Variants in TMEM132B observed in about 807,000 individuals in gnomAD.
TMEM132B encodes transmembrane protein 132B.
In TMEM132B, 18 loss-of-function variants were observed where a neutral mutation model predicts 90.8. That is an observed-to-expected ratio of 0.20 (90% confidence interval 0.14 to 0.29). The LOEUF is 0.29. Among genes scored for constraint, TMEM132B ranks in the 10% least tolerant of loss-of-function variants. The probability of loss-of-function intolerance (pLI) is 1.00; values close to 1 mark genes in which losing one functional copy is unlikely to be tolerated. For synonymous variants in TMEM132B, 504 were observed against 523.3 expected, an observed-to-expected ratio of 0.96 and a Z score of 0.50; for missense variants, 1,096 against 1,326.8, an observed-to-expected ratio of 0.83 and a Z score of 2.70.
intron 2 of TMEM132B, among the ~76,000 whole-genome samples, chr12:125,370,391 C>T (rs1476466853): frequency 1.3e-5 from 2 of 152,334 alleles, no homozygotes; most frequent in East Asian, 3.9e-4. Flanking sequence ...AGCAAAACAT[C>T]ACGTGCATCC....
At chr12:125,567,605 A>T (rs1342285657) in intron 4 of TMEM132B, among the ~76,000 whole-genome samples, 1 of 152,120 alleles carries the variant, frequency 6.6e-6, no homozygotes, top group African/African-American at 2.4e-5. Flanking sequence ...TTCATATTTA[A>T]ATAAAGTTAT....
rs146311837 is a variant in TMEM132B at position 125,415,758 on chromosome 12, G to A, written c.1106+81G>A. On this transcript the variant is annotated intron_variant, in intron 3 of 8. Transcript: ENST00000682704. This position sits in a 1 kb window ranked among gnomAD's most constrained non-coding sequence, Gnocchi z 5.3. ...CAGAGCTGATAGCAAAATAATGTGC[G>A]TGTGGATAAAGCGATGCCTCTGCGT... 6.9e-4 allele frequency: 1,069 copies of A among 1,540,904 alleles called. 9 individuals carry two copies. In the African/African-American group the frequency reaches 0.012, roughly 17 times the overall value.
chr12:125,396,046 A>G (rs745848715), intron 2 of TMEM132B, among the ~76,000 whole-genome samples: 42 of 152,206 alleles, frequency 2.8e-4, no homozygotes, highest in Non-Finnish European at 3.8e-4. Flanking sequence ...GGAGGACACA[A>G]TGCTTTGATT....
At chr12:125,450,717 A>G (rs1881125727) in intron 3 of TMEM132B, among the ~76,000 whole-genome samples, 1 of 152,220 alleles carries the variant, frequency 6.6e-6, no homozygotes, top group Admixed American at 6.5e-5. Context: ...ATGTCTCCTA[A>G]CAGATCGCTT....
At chr12:125,481,007 A>C (rs1328561451) in intron 3 of TMEM132B, among the ~76,000 whole-genome samples, 1 of 152,182 alleles carries the variant, frequency 6.6e-6, no homozygotes, top group Non-Finnish European at 1.5e-5. Flanking sequence ...AAAGACAAAA[A>C]CCACATGATT....
chr12:125,503,862 A>G (rs973377123), intron 3 of TMEM132B, among the ~76,000 whole-genome samples: 1 of 152,232 alleles, frequency 6.6e-6, no homozygotes, highest in Non-Finnish European at 1.5e-5. Flanking sequence ...GTTCTGTGTA[A>G]AGAATTTCAG....
At chr12:125,453,737 C>T (rs1881217026) in intron 3 of TMEM132B, among the ~76,000 whole-genome samples, 1 of 152,190 alleles carries the variant, frequency 6.6e-6, no homozygotes, top group African/African-American at 2.4e-5. Flanking sequence ...AGTGCATTTT[C>T]TATTCCTATT....
chr12:125,277,082 G>C lies in TMEM132B; in HGVS notation c.68-72370G>C, dbSNP rs1047457756. Among the ~76,000 whole-genome samples, 1 of 152,198 alleles carries C rather than the reference G, an allele frequency of 6.6e-6. No individual in the cohort carries two copies. Among genetic ancestry groups the C allele is most frequent in the Admixed American group, 6.5e-5 (1 of 15,282 alleles). ...GTCCAAGTCCTAACCACTAATACTT[G>C]TGAACATGACCTAGTTGGGAAAGAG... On this transcript the variant is annotated intron_variant, in intron 1 of 8. Transcript: ENST00000682704. This position sits in a 1 kb window ranked among gnomAD's most constrained non-coding sequence, Gnocchi z 4.3.
chr12:125,528,950 C>G (rs1302557625), intron 4 of TMEM132B, among the ~76,000 whole-genome samples: 1 of 151,126 alleles, frequency 6.6e-6, no homozygotes, highest in Non-Finnish European at 1.5e-5. Flanking sequence ...GTTATTATTG[C>G]TCCTTTCTTC....
intron 2 of TMEM132B, among the ~76,000 whole-genome samples, chr12:125,384,523 T>G (rs1217360344): frequency 6.6e-6 from 1 of 152,238 alleles, no homozygotes; most frequent in Non-Finnish European, 1.5e-5. Flanking sequence ...CACATACTTA[T>G]TTTTTGTGGT....
chr12:125,568,581 G>A (rs7973442), intron 4 of TMEM132B, among the ~76,000 whole-genome samples: 139,835 of 152,278 alleles, frequency 0.92, 64,222 homozygotes, highest in Middle Eastern at 0.97. Flanking sequence ...CTTATATTCT[G>A]TCAGATACAG....
intron 4 of TMEM132B, among the ~76,000 whole-genome samples, chr12:125,541,375 C>G (rs1883952861): frequency 1.3e-5 from 2 of 152,158 alleles, no homozygotes; most frequent in Non-Finnish European, 1.5e-5. Context: ...CTGACACTGT[C>G]TCTTCTGATA....
intron 1 of TMEM132B, among the ~76,000 whole-genome samples, chr12:125,215,301 CA>C (rs1245677205): frequency 6.6e-6 from 1 of 152,202 alleles, no homozygotes; most frequent in African/African-American, 2.4e-5. Flanking sequence ...TTCTGGAGGT[CA>C]AAAGTCAGAA....
chr12:125,269,474 G>C (rs1874772580), intron 1 of TMEM132B, among the ~76,000 whole-genome samples: 1 of 152,200 alleles, frequency 6.6e-6, no homozygotes, highest in Admixed American at 6.5e-5. Flanking sequence ...ACTCGAGCCT[G>C]GTAATTAGCT....
intron 1 of TMEM132B, among the ~76,000 whole-genome samples, chr12:125,253,349 A>T (rs1565984451): frequency 6.6e-6 from 1 of 152,200 alleles, no homozygotes; most frequent in South Asian, 2.1e-4. Context: ...CTAATGAAAC[A>T]GTAATAATAA....
intron 1 of TMEM132B, among the ~76,000 whole-genome samples, chr12:125,267,365 A>G (rs1874720412): frequency 6.6e-6 from 1 of 152,168 alleles, no homozygotes; most frequent in Non-Finnish European, 1.5e-5. Flanking sequence ...TGGAAATTGC[A>G]TGCATCACTT....
At chr12:125,238,614 A>C (rs1034838407) in intron 1 of TMEM132B, among the ~76,000 whole-genome samples, 1 of 152,234 alleles carries the variant, frequency 6.6e-6, no homozygotes, top group South Asian at 2.1e-4. Flanking sequence ...TTTTTGAGAA[A>C]CATTTTGTTC....
chr12:125,545,421 C>T (rs796839988), intron 4 of TMEM132B, among the ~76,000 whole-genome samples: 42 of 152,312 alleles, frequency 2.8e-4, no homozygotes, highest in South Asian at 8.3e-4. Flanking sequence ...ATTTCCCAAC[C>T]GGAACACACC....
chr12:125,592,761 G>A (rs1448877436), intron 5 of TMEM132B, among the ~76,000 whole-genome samples: 2 of 152,182 alleles, frequency 1.3e-5, no homozygotes, highest in African/African-American at 4.8e-5. Flanking sequence ...ATGTGGATGT[G>A]TGCTGAATGT....
Sources: gnomAD v4.1 joint callset for allele counts (sites outside exome capture counted in the v4.1 genomes callset) on GRCh38, gnomAD v4.1.1 for gene constraint, Gnocchi (gnomAD v3.1) non-coding constraint, MANE v1.5 for transcripts, NCBI Gene and HGNC (gene_info 2026-07-23, HGNC 2026-07-21) for gene names.